Variants in ATP2C2 observed in about 807,000 individuals in gnomAD.
ATP2C2 encodes the protein ATPase secretory pathway Ca2+ transporting 2, also known as calcium-transporting ATPase type 2C member 2.
Under a neutral mutation model 110.8 loss-of-function variants are expected in ATP2C2, and 171 were observed. The ratio of observed to expected loss-of-function variants is 1.54; its 90% CI spans 1.36 to 1.75. The LOEUF is 1.75. ATP2C2 is among the 40% of genes most tolerant of loss of function. ATP2C2 has a pLI of 0.00. For missense variants in ATP2C2, 1,963 were observed against 1,235.0 expected, an observed-to-expected ratio of 1.59 and a Z score of -8.84; for synonymous variants, 804 against 508.4, an observed-to-expected ratio of 1.58 and a Z score of -7.82.
intron 13 of ATP2C2, among the ~76,000 whole-genome samples, chr16:84,440,204 C>T (rs984002188): frequency 5.3e-5 from 8 of 152,248 alleles, no homozygotes; most frequent in South Asian, 2.1e-4. Flanking sequence ...GCAATCATGG[C>T]TCACTGCAGC....
intron 3 of ATP2C2, chr16:84,406,688 A>T: frequency 1.0e-6 from 1 of 975,988 alleles, no homozygotes; most frequent in Non-Finnish European, 1.2e-6. Context: ...AGCTTCCTAA[A>T]ACTGCAGGGC....
intron 11 of ATP2C2, among the ~76,000 whole-genome samples, chr16:84,430,639 C>CA (rs566290549): frequency 0.13 from 15,454 of 123,126 alleles, 1,628 homozygotes; most frequent in East Asian, 0.28. Flanking sequence ...GACACCATCT[C>CA]AAAAAAAAAA....
intron 2 of ATP2C2, 120 bp downstream of exon 2, chr16:84,398,729 G>A (rs889697727): frequency 1.6e-5 from 13 of 791,362 alleles, no homozygotes; most frequent in Admixed American, 9.6e-5. Context: ...TATCATCAAG[G>A]TTGGAAAATA....
At chr16:84,369,237 G>C (rs1387903670) in intron 1 of ATP2C2, among the ~76,000 whole-genome samples, 2 of 152,204 alleles carry the variant, frequency 1.3e-5, no homozygotes, top group Non-Finnish European at 1.5e-5. Context: ...AGAGCTGTAT[G>C]CCTGCTTTGC....
chr16:84,455,014 T>A (rs747480674), intron 21 of ATP2C2, 30 bp downstream of exon 21: 1 of 1,544,334 alleles, frequency 6.5e-7, no homozygotes, highest in South Asian at 1.1e-5. Flanking sequence ...GTTTTTCAGT[T>A]GCAAAAATGC....
intron 6 of ATP2C2, among the ~76,000 whole-genome samples, chr16:84,414,195 G>C (rs994062106): frequency 6.6e-6 from 1 of 152,182 alleles, no homozygotes; most frequent in Non-Finnish European, 1.5e-5. Flanking sequence ...TATATCTCTG[G>C]CAGGTGCTCT....
At position 84,382,723 on chromosome 16, in the gene ATP2C2, G is replaced by A. The variant is rs143062770; in HGVS notation, c.99+14009G>A. On this transcript the variant is annotated intron_variant, in intron 1 of 26. Transcript: ENST00000262429. ...AGCCTGGCCAACGTGGCAAAACCCC[G>A]TCTCTACTAAAAATGCAAAACATTT... is the stretch of plus-strand genomic sequence containing the variant. Among the ~76,000 whole-genome samples, 683 of 152,136 alleles carry A rather than the reference G, an allele frequency of 4.5e-3. 8 individuals carry two copies. The highest frequency in any genetic ancestry group is 0.015 in the African/African-American group (639 of 41,502).
chr16:84,455,007 T>G, intron 21 of ATP2C2, 23 bp downstream of exon 21: 1 of 1,602,320 alleles, frequency 6.2e-7, no homozygotes, highest in East Asian at 2.3e-5. Context: ...TCTGGTTGTT[T>G]TTCAGTTGCA....
At chr16:84,419,208 T>TAAAAAAAA (rs59552270) in intron 7 of ATP2C2, among the ~76,000 whole-genome samples, 7 of 47,494 alleles carry the variant, frequency 1.5e-4, no homozygotes, top group African/African-American at 5.8e-4. Context: ...ACCCCATCTT[T>TAAAAAAAA]AAAAAAAAAA....
intron 7 of ATP2C2, among the ~76,000 whole-genome samples, chr16:84,416,793 G>A (rs530181399): frequency 2.0e-5 from 3 of 152,262 alleles, no homozygotes; most frequent in South Asian, 2.1e-4. Context: ...AGCAGTCAGC[G>A]TCTGACCCCA....
chr16:84,440,726 T>A (rs1909170752), intron 13 of ATP2C2, 131 bp from the exon 14 acceptor site: 1 of 685,564 alleles, frequency 1.5e-6, no homozygotes, highest in African/African-American at 1.8e-5. Context: ...GAGAACATCT[T>A]CATACTGAAA....
At position 84,391,828 on chromosome 16, in the gene ATP2C2, T is replaced by C. The variant is rs905505059; in HGVS notation, c.100-6671T>C. On this transcript the variant is annotated intron_variant, in intron 1 of 26. Transcript: ENST00000262429. ...TGGAGACCAAGCAGCCATGGGAAAC[T>C]CACACACAAAGTTGAATTGAAACTG... is the stretch of plus-strand genomic sequence containing the variant. Among the ~76,000 whole-genome samples the C allele has an allele frequency of 5.3e-5, 8 of 152,226 alleles. No individual in the cohort carries two copies. The South Asian group carries it at 1.7e-3, about 32-fold the overall frequency.
chr16:84,378,860 C>A (rs777954245), intron 1 of ATP2C2, among the ~76,000 whole-genome samples: 1 of 152,190 alleles, frequency 6.6e-6, no homozygotes, highest in African/African-American at 2.4e-5. Flanking sequence ...GTGGGCTCAC[C>A]GTCGCGAGGT....
At chr16:84,369,161 C>A (rs1005701572) in intron 1 of ATP2C2, among the ~76,000 whole-genome samples, 1 of 152,152 alleles carries the variant, frequency 6.6e-6, no homozygotes, top group Non-Finnish European at 1.5e-5. Flanking sequence ...TAATAGAAAG[C>A]AAAGTTGGAG....
intron 7 of ATP2C2, among the ~76,000 whole-genome samples, chr16:84,418,603 C>T (rs762333263): frequency 1.8e-4 from 27 of 152,246 alleles, no homozygotes; most frequent in Non-Finnish European, 2.1e-4. Context: ...TTTTACTACA[C>T]GGACACAGCA....
chr16:84,418,701 A>C (rs1341371765), intron 7 of ATP2C2, among the ~76,000 whole-genome samples: 1 of 152,116 alleles, frequency 6.6e-6, no homozygotes, highest in African/African-American at 2.4e-5. Context: ...TCCGCAGCCC[A>C]TGTCCTTACC....
intron 1 of ATP2C2, among the ~76,000 whole-genome samples, chr16:84,384,306 T>A (rs1253487066): frequency 6.6e-6 from 1 of 152,228 alleles, no homozygotes; most frequent in East Asian, 1.9e-4. Flanking sequence ...TCGACCTTTT[T>A]AGAGATTCCG....
intron 17 of ATP2C2, among the ~76,000 whole-genome samples, chr16:84,448,917 C>T (rs752549106): frequency 6.6e-6 from 1 of 152,186 alleles, no homozygotes; most frequent in Non-Finnish European, 1.5e-5. Flanking sequence ...GAAGAGGGTA[C>T]CCTCCCTTGC....
At chr16:84,444,188 A>C (rs961601256) in intron 15 of ATP2C2, among the ~76,000 whole-genome samples, 11 of 147,330 alleles carry the variant, frequency 7.5e-5, no homozygotes, top group Non-Finnish European at 1.5e-4. Context: ...AAAAAAACAA[A>C]AAGATTGGGC....
Sources: allele counts gnomAD v4.1 joint callset (sites outside exome capture counted in the v4.1 genomes callset), GRCh38; gene constraint gnomAD v4.1.1; transcripts MANE v1.5; gene names NCBI Gene and HGNC (gene_info 2026-07-23, HGNC 2026-07-21).